RIMKLA: variants seen among roughly 807,000 people sequenced by gnomAD.
The protein encoded by RIMKLA is N-acetylaspartylglutamate synthase A.
In RIMKLA, 14 loss-of-function variants were observed where a neutral mutation model predicts 32.7. The observed-to-expected ratio is 0.43, with a 90% CI of 0.28 to 0.67. The LOEUF is 0.67. RIMKLA is among the 30% of genes least tolerant of loss of function. The pLI is 0.18. For missense variants in RIMKLA, 410 were observed against 519.0 expected, an observed-to-expected ratio of 0.79 and a Z score of 2.04; for synonymous variants, 176 against 204.1, an observed-to-expected ratio of 0.86 and a Z score of 1.18.
chr1:42,400,079 C>A (rs1454051225), intron 2 of RIMKLA, among the ~76,000 whole-genome samples: 3 of 152,138 alleles, frequency 2.0e-5, no homozygotes, highest in Non-Finnish European at 4.4e-5. Flanking sequence ...TAGAGTTACG[C>A]TGAAGTTATC....
At position 42,422,916 on chromosome 1, in the gene RIMKLA, C is replaced by T. The variant is rs1643306667; in HGVS notation, c.*7942C>T. Among the ~76,000 whole-genome samples, 1 of 152,096 alleles carries T rather than the reference C, an allele frequency of 6.6e-6. No individual in the cohort carries two copies. Among genetic ancestry groups the T allele is most frequent in the South Asian group, 2.1e-4 (1 of 4,822 alleles). ...GACATTCGAATTAAGATTCAAATAGCAAGTGAGAGCTGAAAGCTGTTTAAA... is the reference window on the plus strand; with the variant it reads ...GACATTCGAATTAAGATTCAAATAGTAAGTGAGAGCTGAAAGCTGTTTAAA... On this transcript the variant is annotated 3_prime_UTR_variant, in exon 5 of 5. Transcript: ENST00000431473.
At position 42,380,907 on chromosome 1, in the gene RIMKLA, C is replaced by A; in HGVS notation, c.-28C>A. On this transcript the variant is annotated 5_prime_UTR_variant, in exon 1 of 5. Transcript: ENST00000431473. ...GGCCCGGGGCGCCGAGGGGTCCGCG[C>A]CGCGCGGGGCGCACCGCCCTGGCCG... The A allele has an allele frequency of 1.5e-6, 2 of 1,311,532 alleles. No individual in the cohort carries two copies. 81.2% of individuals were successfully genotyped at this position (1,311,532 alleles called of 1,614,324 possible).
intron 1 of RIMKLA, among the ~76,000 whole-genome samples, chr1:42,393,189 C>T (rs1166777285): frequency 7.4e-6 from 1 of 135,286 alleles, no homozygotes; most frequent in Non-Finnish European, 1.6e-5. Flanking sequence ...AAATTACTAT[C>T]CAGAGAGACT....
chr1:42,394,423 A>G (rs1413629735), intron 1 of RIMKLA, among the ~76,000 whole-genome samples: 1 of 152,240 alleles, frequency 6.6e-6, no homozygotes, highest in Non-Finnish European at 1.5e-5. Context: ...ATGCAAAGAC[A>G]TTTATAGTCA....
rs1643268735 is a variant in RIMKLA, at chr1:42,418,375, G to A, written c.*3401G>A. ...CTTTCGGATCTCAGAAACAATATAA[G>A]TAGATCATAAGCCACTAGTGTCACA... On this transcript the variant is annotated 3_prime_UTR_variant, in exon 5 of 5. Coordinates refer to ENST00000431473, the MANE Select transcript of RIMKLA (RefSeq NM_173642.4). 1 of 152,168 alleles carries A rather than the reference G, an allele frequency of 6.6e-6. No homozygotes were observed. Among genetic ancestry groups the A allele is most frequent in the Non-Finnish European group, 1.5e-5 (1 of 68,042 alleles). The allele number at this position is 152,168 out of a possible 1,614,324, so 9.4% of individuals were successfully genotyped here.
Position 42,414,656 on chromosome 1 carries a change from A to C in RIMKLA, c.858A>C (p.Ala286=). 3 of 1,614,200 alleles carry C rather than the reference A, an allele frequency of 1.9e-6. No individual in the cohort carries two copies. Among genetic ancestry groups the C allele is most frequent in the Non-Finnish European group, 2.5e-6 (3 of 1,180,018 alleles). ...ANVGFLAFDQ[A]CNLDVGGIIA... ...TTGGCTTCCTAGCCTTTGACCAGGCATGCAACTTAGATGTGGGTGGGATCA... is the reference window on the plus strand; with the variant it reads ...TTGGCTTCCTAGCCTTTGACCAGGCCTGCAACTTAGATGTGGGTGGGATCA... The change falls in exon 5 of 5, where the codon GCA becomes GCC. Residue 286 remains alanine, a synonymous_variant. Coordinates refer to ENST00000431473, the MANE Select transcript of RIMKLA (RefSeq NM_173642.4).
chr1:42,383,398 G>A (rs1642908241), intron 1 of RIMKLA, among the ~76,000 whole-genome samples: 1 of 152,226 alleles, frequency 6.6e-6, no homozygotes, highest in South Asian at 2.1e-4. Context: ...GTGAGTCCCA[G>A]GAGAATGACC....
chr1:42,397,296 C>T (rs1643055842), intron 1 of RIMKLA, among the ~76,000 whole-genome samples: 1 of 152,150 alleles, frequency 6.6e-6, no homozygotes, highest in African/African-American at 2.4e-5. Flanking sequence ...TATTCATCAC[C>T]TGGTGGAGAA....
intron 2 of RIMKLA, among the ~76,000 whole-genome samples, chr1:42,401,584 G>C (rs1251062887): frequency 1.3e-5 from 2 of 152,138 alleles, no homozygotes; most frequent in Non-Finnish European, 2.9e-5. Flanking sequence ...GATTCCAAAA[G>C]GACAGGTAAC....
At chr1:42,412,024 A>G (rs774225320) in intron 4 of RIMKLA, among the ~76,000 whole-genome samples, 21 of 152,066 alleles carry the variant, frequency 1.4e-4, no homozygotes, top group Non-Finnish European at 2.9e-4. Flanking sequence ...GTGTGTTATC[A>G]TTTTGACTTT....
Position 42,421,231 on chromosome 1 carries a change from G to T in RIMKLA, c.*6257G>T, listed in dbSNP as rs187204606. 1.3e-5 allele frequency: 2 copies of T among 152,282 alleles called. No individual in the cohort carries two copies. Among genetic ancestry groups the T allele is most frequent in the Admixed American group, 1.3e-4 (2 of 15,290 alleles). 9.4% of individuals were successfully genotyped at this position (152,282 alleles called of 1,614,324 possible). On this transcript the variant is annotated 3_prime_UTR_variant, in exon 5 of 5. Coordinates refer to ENST00000431473, the MANE Select transcript of RIMKLA (RefSeq NM_173642.4). The surrounding 1 kb of genome is among the most constrained non-coding windows in gnomAD (Gnocchi z 4.6). ...CAGACAACTGGGGGGCTGGAAAGCCGACCTGGAAAGCAGCCTGACCTTGGA... is the reference window on the plus strand; with the variant it reads ...CAGACAACTGGGGGGCTGGAAAGCCTACCTGGAAAGCAGCCTGACCTTGGA...
Position 42,415,117 on chromosome 1 carries a change from T to C in RIMKLA, c.*143T>C. 1.2e-6 allele frequency: 1 copy of C among 866,430 alleles called. No individual in the cohort carries two copies. 53.7% of individuals were successfully genotyped at this position (866,430 alleles called of 1,614,324 possible). ...CACTCAGCATTTTTTCTAACGATGA[T>C]TTAAGCAAATGGCCTAGCTTTGTGG... On this transcript the variant is annotated 3_prime_UTR_variant, in exon 5 of 5. Coordinates refer to ENST00000431473, the MANE Select transcript of RIMKLA (RefSeq NM_173642.4).
At chr1:42,384,412 C>T (rs1366832436) in intron 1 of RIMKLA, among the ~76,000 whole-genome samples, 1 of 151,124 alleles carries the variant, frequency 6.6e-6, no homozygotes, top group Non-Finnish European at 1.5e-5. Context: ...TATTCTCAAC[C>T]CTAGGGATAA....
rs574077057 is a variant in RIMKLA, at chr1:42,399,408, C to G, written c.168C>G (p.Leu56=). The G allele has an allele frequency of 3.1e-6, 5 of 1,605,084 alleles. No homozygotes were observed. In the African/African-American group the frequency reaches 4.0e-5, roughly 13 times the overall value. ...AVTIVGGHLG[L]QLNQKALTTF... ...ACTGTTGTCCTTGAATTGCAGGCCT[C>G]CAGCTAAACCAGAAGGCCCTCACCA... The change falls in exon 2 of 5, where the codon CTC becomes CTG. Residue 56 remains leucine (L), a synonymous_variant. Coordinates refer to ENST00000431473, the MANE Select transcript of RIMKLA (RefSeq NM_173642.4).
intron 2 of RIMKLA, among the ~76,000 whole-genome samples, chr1:42,400,804 AG>A (rs1643090500): frequency 6.6e-6 from 1 of 152,218 alleles, no homozygotes; most frequent in Non-Finnish European, 1.5e-5. Context: ...AGTGCAGACT[AG>A]GGAAGTGGAG....
intron 4 of RIMKLA, among the ~76,000 whole-genome samples, chr1:42,411,746 T>TAA (rs903452734): frequency 1.5e-5 from 2 of 136,494 alleles, no homozygotes; most frequent in African/African-American, 5.6e-5. Context: ...CAATCTCCGC[T>TAA]CATTGCAAGC....
At chr1:42,414,440 G>C (rs765862842) in intron 4 of RIMKLA, 44 bp from the exon 5 acceptor site, 2 of 1,594,942 alleles carry the variant, frequency 1.3e-6, no homozygotes, top group East Asian at 4.5e-5. Flanking sequence ...AGAGTCATCT[G>C]ACTTCTCAGT....
chr1:42,413,633 TAC>T (rs1310760018), intron 4 of RIMKLA, among the ~76,000 whole-genome samples: 2 of 152,030 alleles, frequency 1.3e-5, no homozygotes, highest in African/African-American at 4.8e-5. Flanking sequence ...TCATATTCTT[TAC>T]AGTCTTTTCT....
chr1:42,396,791 C>G (rs1033264716), intron 1 of RIMKLA, among the ~76,000 whole-genome samples: 1 of 152,176 alleles, frequency 6.6e-6, no homozygotes, highest in South Asian at 2.1e-4. Context: ...ATGCCAGTGC[C>G]TTACATATGT....
Sources: allele counts gnomAD v4.1 joint callset (sites outside exome capture counted in the v4.1 genomes callset), GRCh38; gene constraint gnomAD v4.1.1; non-coding constraint Gnocchi (gnomAD v3.1); transcripts MANE v1.5; gene names NCBI Gene and HGNC (gene_info 2026-07-23, HGNC 2026-07-21).